FAM177A1: variants seen among roughly 807,000 people sequenced by gnomAD.
FAM177A1 encodes protein FAM177A1.
Under a neutral mutation model 26.1 loss-of-function variants are expected in FAM177A1, and 22 were observed. The ratio of observed to expected loss-of-function variants is 0.84; its 90% CI spans 0.60 to 1.20. The LOEUF (loss-of-function observed/expected upper bound fraction) is 1.20. FAM177A1 is among the 50% of genes most tolerant of loss of function. The probability of loss-of-function intolerance (pLI) is 0.00; values close to 1 mark genes in which losing one functional copy is unlikely to be tolerated. For synonymous variants in FAM177A1, 95 were observed against 99.3 expected (o/e 0.96, Z 0.26); for missense variants, 296 against 291.1 (o/e 1.02, Z -0.12).
chr14:35,069,672 A>G (rs918678130), intron 2 of FAM177A1, among the ~76,000 whole-genome samples: 2 of 152,236 alleles, frequency 1.3e-5, no homozygotes, highest in Admixed American at 6.5e-5. Context: ...TCCTCTTAAT[A>G]CATCATAAAT....
intron 2 of FAM177A1, among the ~76,000 whole-genome samples, chr14:35,064,909 C>T (rs189928066): frequency 3.9e-5 from 6 of 152,276 alleles, no homozygotes; most frequent in Non-Finnish European, 7.4e-5. Flanking sequence ...GCTTCAGCCT[C>T]CCAAAGTGCA....
Position 35,079,005 on chromosome 14 carries a change from A to G in FAM177A1, c.485A>G (p.Tyr162Cys). The G allele has an allele frequency of 6.4e-7, 1 of 1,557,620 alleles. No homozygotes were observed. The highest frequency in any genetic ancestry group is 2.5e-5 in the East Asian group (1 of 40,804). ...AAGTACCAATATGCCATTGATGAAT[A>G]TTATCGGATGAAGAAGGAGGTATGC... ...TPKYQYAIDE[Y>C]YRMKKEEEEE... The change falls in exon 4 of 5, where the codon TAT (tyrosine) becomes TGT (cysteine). Residue 162 changes from tyrosine to cysteine, a missense_variant. Physicochemically the swap from Tyr to Cys is radical, Grantham distance 194. Transcript: ENST00000280987.
chr14:35,051,710 G>C (rs2044974469), intron 1 of FAM177A1, among the ~76,000 whole-genome samples: 1 of 152,126 alleles, frequency 6.6e-6, no homozygotes, highest in Non-Finnish European at 1.5e-5. Flanking sequence ...ACCACGGCTG[G>C]CCTGTTACCA....
intron 2 of FAM177A1, among the ~76,000 whole-genome samples, chr14:35,066,413 T>C (rs1186991446): frequency 2.0e-5 from 3 of 150,882 alleles, no homozygotes; most frequent in Admixed American, 6.6e-5. Context: ...CATCTTTTTT[T>C]TTTTTTTTTT....
At chr14:35,069,388 C>T (rs1212281367) in intron 2 of FAM177A1, among the ~76,000 whole-genome samples, 3 of 151,338 alleles carry the variant, frequency 2.0e-5, no homozygotes, top group Admixed American at 6.6e-5. Flanking sequence ...CGGGTTCAAG[C>T]GATTCTCCTG....
At chr14:35,071,725 G>GA (rs1217430303) in intron 2 of FAM177A1, among the ~76,000 whole-genome samples, 1 of 152,108 alleles carries the variant, frequency 6.6e-6, no homozygotes, top group African/African-American at 2.4e-5. Context: ...ATTCTCGCCA[G>GA]AAACAACCCC....
intron 1 of FAM177A1, among the ~76,000 whole-genome samples, chr14:35,048,808 A>G (rs2044916423): frequency 1.3e-5 from 2 of 151,992 alleles, no homozygotes; most frequent in South Asian, 2.1e-4. Flanking sequence ...CCCTAGTGCA[A>G]TGTAGGGAAA....
At chr14:35,049,044 C>T (rs1282880360) in intron 1 of FAM177A1, among the ~76,000 whole-genome samples, 4 of 152,188 alleles carry the variant, frequency 2.6e-5, no homozygotes, top group Middle Eastern at 3.4e-3. Flanking sequence ...GCGCACGCAA[C>T]CACATCTGGC....
intron 4 of FAM177A1, among the ~76,000 whole-genome samples, chr14:35,080,493 C>T (rs185481286): frequency 6.6e-6 from 1 of 152,038 alleles, no homozygotes; most frequent in Non-Finnish European, 1.5e-5. Context: ...AGTGCTGGAC[C>T]CTGTTTTAAA....
chr14:35,046,475 C>T lies in FAM177A1; in HGVS notation c.12C>T (p.Gly4=), dbSNP rs1473847550. 2 of 1,588,180 alleles carry T rather than the reference C, an allele frequency of 1.3e-6. No individual in the cohort carries two copies. Among genetic ancestry groups the T allele is most frequent in the South Asian group, 1.1e-5 (1 of 87,856 alleles). ...CGGGGAGACCAAGGATGGAAGTGGG[C>T]TTACCGGCCATTACCCTCTTTCTCA... is the stretch of plus-strand genomic sequence containing the variant. The part of the protein sequence containing the change: MEV[G]LPAITLFLTS... The change falls in exon 1 of 5, where the codon GGC becomes GGT. Residue 4 remains glycine, a synonymous_variant. Coordinates refer to ENST00000280987, the MANE Select transcript of FAM177A1 (RefSeq NM_173607.5).
At chr14:35,064,610 A>G (rs941593184) in intron 2 of FAM177A1, among the ~76,000 whole-genome samples, 3 of 152,156 alleles carry the variant, frequency 2.0e-5, no homozygotes, top group African/African-American at 7.2e-5. Flanking sequence ...GAGATAGAAT[A>G]ATAATTACTT....
Position 35,053,405 on chromosome 14 carries a change from A to T in FAM177A1, c.293A>T (p.Glu98Val), listed in dbSNP as rs1391660878. The T allele has an allele frequency of 6.2e-7, 1 of 1,614,006 alleles. No individual in the cohort carries two copies. Among genetic ancestry groups the T allele is most frequent in the Non-Finnish European group, 8.5e-7 (1 of 1,180,022 alleles). The stretch of plus-strand genomic sequence containing the variant: ...GAAGAATATAGCACAGATGAAGACG[A>T]AGTTGATGGCCTGGAGAAGAAAGAT... Reference protein sequence around the residue: ...TMEEYSTDEDEVDGLEKKDVL... With the variant: ...TMEEYSTDEDVVDGLEKKDVL... The change falls in exon 2 of 5, where the codon GAA becomes GTA. Residue 98 changes from glutamate (E) to valine (V), a missense_variant. Transcript: ENST00000280987.
chr14:35,049,677 C>G (rs1286788896), intron 1 of FAM177A1, among the ~76,000 whole-genome samples: 2 of 151,996 alleles, frequency 1.3e-5, no homozygotes, highest in Non-Finnish European at 1.5e-5. Context: ...CCCAGCTACT[C>G]GGGAGGCTGA....
rs763527157 is a variant in FAM177A1 at position 35,080,794 on chromosome 14, AAAAC to A, written c.505-221_505-218del. ...GACAGAGCAATACTCTTTCTCAAAAAAAACAAACAACAAGAAAAAACTACTTTCC... is the reference window on the plus strand; with the variant it reads ...GACAGAGCAATACTCTTTCTCAAAAAAAACAACAAGAAAAAACTACTTTCC... On this transcript the variant is annotated intron_variant, in intron 4 of 4. Coordinates refer to ENST00000280987, the MANE Select transcript of FAM177A1 (RefSeq NM_173607.5). Among the ~76,000 whole-genome samples, 4 of 152,196 alleles carry A rather than the reference AAAAC, an allele frequency of 2.6e-5. No individual in the cohort carries two copies. In the East Asian group the frequency reaches 5.8e-4, roughly 22 times the overall value.
intron 2 of FAM177A1, chr14:35,054,777 C>T (rs868232900): frequency 2.0e-5 from 3 of 151,944 alleles, no homozygotes; most frequent in Non-Finnish European, 4.4e-5. Context: ...GAGTTCAAGA[C>T]CAGCCTGACC....
At chr14:35,049,640 C>T (rs1488083584) in intron 1 of FAM177A1, among the ~76,000 whole-genome samples, 1 of 152,098 alleles carries the variant, frequency 6.6e-6, no homozygotes, top group Admixed American at 6.6e-5. Flanking sequence ...GAAAAATTAG[C>T]TGGGCATTAT....
At position 35,081,347 on chromosome 14, in the gene FAM177A1, C is replaced by A; in HGVS notation, c.*119C>A. ...TTTATATTTTAAATTATTAAAGTAT[C>A]TGGAAAGGGAAAATGTTTTCTTCAT... On this transcript the variant is annotated 3_prime_UTR_variant, in exon 5 of 5. Transcript: ENST00000280987. 2.0e-6 allele frequency: 2 copies of A among 995,528 alleles called. No homozygotes were observed. Among genetic ancestry groups the A allele is most frequent in the Non-Finnish European group, 2.8e-6 (2 of 718,750 alleles). 61.7% of individuals were successfully genotyped at this position (995,528 alleles called of 1,614,324 possible). A position where few individuals can be genotyped will look rare whatever the true frequency, so the allele number is the denominator to read the frequency against.
chr14:35,077,100 T>C, intron 2 of FAM177A1, 50 bp from the exon 3 acceptor site: 3 of 1,427,636 alleles, frequency 2.1e-6, no homozygotes, highest in Non-Finnish European at 3.0e-6. Flanking sequence ...GGCCTAAATA[T>C]ATGGAATGAA....
intron 1 of FAM177A1, among the ~76,000 whole-genome samples, chr14:35,048,174 A>C (rs763777915): frequency 6.6e-6 from 1 of 152,232 alleles, no homozygotes; most frequent in Non-Finnish European, 1.5e-5. Context: ...ATTGTTGGCA[A>C]GTGCACTTAC....
Sources: allele counts gnomAD v4.1 joint callset (sites outside exome capture counted in the v4.1 genomes callset), GRCh38; gene constraint gnomAD v4.1.1; transcripts MANE v1.5; gene names NCBI Gene and HGNC (gene_info 2026-07-23, HGNC 2026-07-21).